Variants in SLC25A24 observed in about 807,000 individuals in gnomAD.
The protein encoded by SLC25A24 is solute carrier family 25 member 24.
In SLC25A24, 49 loss-of-function variants were observed where a neutral mutation model predicts 60.7. The ratio of observed to expected loss-of-function variants is 0.81; its 90% CI spans 0.64 to 1.02. The LOEUF (loss-of-function observed/expected upper bound fraction) is 1.02. Ranked by LOEUF, SLC25A24 falls within the 50% of genes least tolerant of loss-of-function variation. The probability of loss-of-function intolerance (pLI) is 0.00; values close to 1 mark genes in which losing one functional copy is unlikely to be tolerated. For synonymous variants in SLC25A24, 202 were observed against 200.6 expected, an observed-to-expected ratio of 1.01 and a Z score of -0.06; for missense variants, 564 against 586.3, an observed-to-expected ratio of 0.96 and a Z score of 0.39.
intron 3 of SLC25A24, among the ~76,000 whole-genome samples, chr1:108,173,978 A>G (rs1253704081): frequency 6.6e-6 from 1 of 152,198 alleles, no homozygotes; most frequent in Non-Finnish European, 1.5e-5. Flanking sequence ...CTAAGTGGCA[A>G]AGCATTCCAC....
chr1:108,157,360 G>A, intron 5 of SLC25A24, 102 bp downstream of exon 5: 1 of 1,273,384 alleles, frequency 7.9e-7, no homozygotes, highest in Non-Finnish European at 1.1e-6. Flanking sequence ...GGGTATAAAA[G>A]ATTATTACTG....
chr1:108,151,247 A>G (rs1416134093), intron 6 of SLC25A24, among the ~76,000 whole-genome samples: 2 of 151,834 alleles, frequency 1.3e-5, no homozygotes, highest in East Asian at 3.9e-4. Flanking sequence ...AAAACAAAAA[A>G]ACAAATCCCC....
chr1:108,150,969 G>C (rs946419705), intron 6 of SLC25A24, among the ~76,000 whole-genome samples: 1 of 152,160 alleles, frequency 6.6e-6, no homozygotes, highest in Non-Finnish European at 1.5e-5. Context: ...GGGAGGCTGA[G>C]GCAGGAGGAC....
intron 4 of SLC25A24, among the ~76,000 whole-genome samples, chr1:108,158,041 CCTTT>C (rs1679951861): frequency 1.3e-5 from 2 of 152,090 alleles, no homozygotes; most frequent in African/African-American, 2.4e-5. Flanking sequence ...AACAATACTT[CCTTT>C]ATCTCAAATT....
chr1:108,178,287 C>T (rs966350869), intron 3 of SLC25A24, among the ~76,000 whole-genome samples: 1 of 152,160 alleles, frequency 6.6e-6, no homozygotes, highest in Admixed American at 6.5e-5. Flanking sequence ...CAGCAATAGA[C>T]AAATCATCTC....
Position 108,200,039 on chromosome 1 carries a change from T to C in SLC25A24, c.100A>G (p.Asn34Asp). ...CCGATGTCCACCACTCCGTCCCCATTGCGGTCCAGTGCCTGGAAGAGGGTC... is the reference window on the plus strand; with the variant it reads ...CCGATGTCCACCACTCCGTCCCCATCGCGGTCCAGTGCCTGGAAGAGGGTC... ...YETLFQALDR[N>D]GDGVVDIGEL... is the part of the protein sequence containing the mutation. Residue 34 changes from asparagine (N) to aspartate (D), a missense_variant, in exon 1 of 10, where the codon AAT (asparagine) becomes GAT (aspartate). Transcript: ENST00000565488. 1 of 1,608,578 alleles carries C rather than the reference T, an allele frequency of 6.2e-7. No homozygotes were observed. The highest frequency in any genetic ancestry group is 2.2e-5 in the East Asian group (1 of 44,750).
chr1:108,189,698 C>A (rs1347930357), intron 1 of SLC25A24, among the ~76,000 whole-genome samples: 2 of 150,966 alleles, frequency 1.3e-5, no homozygotes, highest in Non-Finnish European at 2.9e-5. Flanking sequence ...CGCCTGTAGT[C>A]CCAGCTACTC....
intron 5 of SLC25A24, 144 bp from the exon 6 acceptor site, chr1:108,155,279 T>C: frequency 1.3e-6 from 1 of 741,138 alleles, no homozygotes; most frequent in Non-Finnish European, 2.1e-6. Flanking sequence ...TTGAAAAATA[T>C]ATATAATGAT....
intron 3 of SLC25A24, among the ~76,000 whole-genome samples, chr1:108,175,827 C>A (rs1051846550): frequency 6.6e-6 from 1 of 152,074 alleles, no homozygotes; most frequent in Non-Finnish European, 1.5e-5. Context: ...TTTGGAAGTT[C>A]TTCAAAATAT....
At chr1:108,170,205 C>T (rs536806285) in intron 3 of SLC25A24, among the ~76,000 whole-genome samples, 47 of 152,264 alleles carry the variant, frequency 3.1e-4, no homozygotes, top group African/African-American at 1.1e-3. Flanking sequence ...CCTTGAATTT[C>T]CACTTACGAT....
intron 4 of SLC25A24, among the ~76,000 whole-genome samples, chr1:108,160,507 G>C (rs1474915242): frequency 6.6e-6 from 1 of 151,824 alleles, no homozygotes; most frequent in African/African-American, 2.4e-5. Flanking sequence ...CCCAGACGAT[G>C]GGCGGCCAGG....
In SLC25A24 at chr1:108,192,666, C is replaced by T. The variant is rs775013668; in HGVS notation, c.184-6712G>A. 2 of 1,478,284 alleles carry T rather than the reference C, an allele frequency of 1.4e-6. 1 individual carries two copies. The highest frequency in any genetic ancestry group is 1.8e-6 in the Non-Finnish European group (2 of 1,103,826). 91.6% of individuals were successfully genotyped at this position (1,478,284 alleles called of 1,614,324 possible). On this transcript the variant is annotated intron_variant, in intron 1 of 9. Coordinates refer to ENST00000565488, the MANE Select transcript of SLC25A24 (RefSeq NM_013386.5). ...GCTCCGCGGCCTGAGTGAGCCCCAG[C>T]GGGGTGGAAGTGCGACCGACGAACG...
At chr1:108,196,216 T>C (rs1648494418) in intron 1 of SLC25A24, among the ~76,000 whole-genome samples, 1 of 152,172 alleles carries the variant, frequency 6.6e-6, no homozygotes, top group South Asian at 2.1e-4. Context: ...AGAGTTAGAA[T>C]GGCCCTTAAA....
At chr1:108,199,687 T>A in intron 1 of SLC25A24, 1 of 536,532 alleles carries the variant, frequency 1.9e-6, no homozygotes. Context: ...GTCTTAAAAA[T>A]TTAACAGTGC....
At chr1:108,183,249 G>A (rs12142532) in intron 2 of SLC25A24, among the ~76,000 whole-genome samples, 6 of 152,228 alleles carry the variant, frequency 3.9e-5, no homozygotes, top group African/African-American at 1.4e-4. Flanking sequence ...CTCCTGGGGA[G>A]AGGGAAGGAG....
intron 3 of SLC25A24, among the ~76,000 whole-genome samples, chr1:108,172,355 G>A (rs992258566): frequency 3.3e-5 from 5 of 152,114 alleles, no homozygotes; most frequent in Admixed American, 1.3e-4. Context: ...CCTGAGACTC[G>A]GTAATTTATA....
intron 1 of SLC25A24, among the ~76,000 whole-genome samples, chr1:108,187,883 A>G (rs1025669633): frequency 4.4e-5 from 6 of 137,430 alleles, no homozygotes; most frequent in Non-Finnish European, 1.6e-5. Context: ...ATAAAATATT[A>G]GCAAATCAAA....
intron 2 of SLC25A24, among the ~76,000 whole-genome samples, chr1:108,184,289 T>C (rs1648043115): frequency 6.6e-6 from 1 of 152,204 alleles, no homozygotes; most frequent in African/African-American, 2.4e-5. Flanking sequence ...CTGCCTGCCA[T>C]AGCAGCACAC....
At chr1:108,146,923 C>T (rs1021699707) in intron 7 of SLC25A24, among the ~76,000 whole-genome samples, 1 of 152,094 alleles carries the variant, frequency 6.6e-6, no homozygotes, top group African/African-American at 2.4e-5. Flanking sequence ...AATGATGCTG[C>T]CCTCATAAAA....
Sources: gnomAD v4.1 joint callset for allele counts (sites outside exome capture counted in the v4.1 genomes callset) on GRCh38, gnomAD v4.1.1 for gene constraint, MANE v1.5 for transcripts, NCBI Gene and HGNC (gene_info 2026-07-23, HGNC 2026-07-21) for gene names.